GGA2: variants seen among roughly 807,000 people sequenced by gnomAD.
The protein encoded by GGA2 is golgi associated, gamma adaptin ear containing, ARF binding protein 2.
In GGA2, 48 loss-of-function variants were observed where a neutral mutation model predicts 79.5. The observed-to-expected ratio is 0.60, with a 90% CI of 0.48 to 0.77. The LOEUF (loss-of-function observed/expected upper bound fraction) is 0.77. Among genes scored for constraint, GGA2 ranks in the 30% least tolerant of loss-of-function variants. The pLI, the probability that GGA2 is intolerant of heterozygous loss-of-function variation, is 0.00. For synonymous variants in GGA2, 317 were observed against 302.0 expected (o/e 1.05, Z -0.51); for missense variants, 770 against 774.0 (o/e 0.99, Z 0.06).
chr16:23,465,563 T>A lies in GGA2; in HGVS notation c.*2027A>T, dbSNP rs1166100378. On this transcript the variant is annotated 3_prime_UTR_variant, in exon 17 of 17. Coordinates refer to ENST00000309859, the MANE Select transcript of GGA2 (RefSeq NM_015044.4). ...TTTATGTATAAGTCTCATTCACCCA[T>A]TTTGACCAAAACCCTTCAGAGGGAG... is the stretch of plus-strand genomic sequence containing the variant. The A allele has an allele frequency of 4.9e-6, 3 of 618,514 alleles. No individual in the cohort carries two copies. Among genetic ancestry groups the A allele is most frequent in the Non-Finnish European group, 5.8e-6 (2 of 344,588 alleles). 38.3% of individuals were successfully genotyped at this position (618,514 alleles called of 1,614,324 possible). A position where few individuals can be genotyped will look rare whatever the true frequency, so the allele number is the denominator to read the frequency against.
chr16:23,482,626 G>A (rs922420129), intron 9 of GGA2, among the ~76,000 whole-genome samples: 4 of 152,148 alleles, frequency 2.6e-5, no homozygotes, highest in Admixed American at 6.5e-5. Context: ...TGGCCCCTGC[G>A]ATTGGTCAGC....
At chr16:23,503,110 C>T (rs1480348833) in intron 1 of GGA2, among the ~76,000 whole-genome samples, 3 of 152,196 alleles carry the variant, frequency 2.0e-5, no homozygotes, top group Non-Finnish European at 4.4e-5. Context: ...GTTACCTTTC[C>T]TTTCCTTTTA....
At chr16:23,470,644 T>TGGTGGTACA (rs1163988257) in intron 14 of GGA2, among the ~76,000 whole-genome samples, 2 of 151,818 alleles carry the variant, frequency 1.3e-5, no homozygotes, top group African/African-American at 4.8e-5. Flanking sequence ...ACACCTGTAA[T>TGGTGGTACA]CCCAGCCATT....
intron 1 of GGA2, among the ~76,000 whole-genome samples, chr16:23,498,465 A>T (rs962878379): frequency 6.6e-6 from 1 of 152,076 alleles, no homozygotes; most frequent in African/African-American, 2.4e-5. Flanking sequence ...ACAGTGTCTC[A>T]TGCCTGTAAT....
intron 2 of GGA2, among the ~76,000 whole-genome samples, chr16:23,494,790 C>T (rs1964834138): frequency 6.6e-6 from 1 of 152,210 alleles, no homozygotes; most frequent in African/African-American, 2.4e-5. Context: ...ACAGATTAAA[C>T]ATCTGGATGG....
chr16:23,485,043 C>T (rs897297556), intron 8 of GGA2, among the ~76,000 whole-genome samples: 8 of 152,340 alleles, frequency 5.3e-5, no homozygotes, highest in Admixed American at 1.3e-4. Flanking sequence ...CAATGGAACG[C>T]TATCCAGCCA....
intron 16 of GGA2, 24 bp downstream of exon 16, chr16:23,468,862 G>A (rs1470480873): frequency 6.2e-6 from 9 of 1,452,764 alleles, no homozygotes; most frequent in Middle Eastern, 1.7e-4. Context: ...CCATCTCCCT[G>A]CTACCACAGA....
intron 16 of GGA2, among the ~76,000 whole-genome samples, 169 bp from the exon 17 acceptor site, chr16:23,467,869 A>AT (rs1474942755): frequency 6.6e-6 from 1 of 152,176 alleles, no homozygotes; most frequent in African/African-American, 2.4e-5. Context: ...GAACCCTTCG[A>AT]TAATTCTGCA....
rs1256214182 is a variant in GGA2, at chr16:23,480,382, A to G, written c.1006+263T>C. 7.4e-6 allele frequency: 3 copies of G among 404,986 alleles called. No individual in the cohort carries two copies. In the East Asian group the frequency reaches 1.2e-4, roughly 16 times the overall value. 25.1% of individuals were successfully genotyped at this position (404,986 alleles called of 1,614,324 possible). On this transcript the variant is annotated intron_variant, in intron 10 of 16. Transcript: ENST00000309859. The stretch of plus-strand genomic sequence containing the variant: ...CTTTTGTCTCTAGCTCCTGTATGCA[A>G]GCATTTATGAGAATTCAAACGCAGG...
chr16:23,467,520 A>G lies in GGA2; in HGVS notation c.*70T>C. On this transcript the variant is annotated 3_prime_UTR_variant, in exon 17 of 17. Coordinates refer to ENST00000309859, the MANE Select transcript of GGA2 (RefSeq NM_015044.4). Reference sequence around the variant, plus strand: ...TGGCACTCCGCACTGAAACACCGTGATTAGTCCTGACTAGACAGCAAAAGT... The same window carrying G: ...TGGCACTCCGCACTGAAACACCGTGGTTAGTCCTGACTAGACAGCAAAAGT... 1.3e-6 allele frequency: 1 copy of G among 790,160 alleles called. No individual in the cohort carries two copies. 48.9% of individuals were successfully genotyped at this position (790,160 alleles called of 1,614,324 possible).
rs1384561197 is a variant in GGA2, at chr16:23,467,840, A to T, written c.1732-140T>A. 6.2e-6 allele frequency: 4 copies of T among 646,484 alleles called. No homozygotes were observed. In the African/African-American group the frequency reaches 7.2e-5, roughly 12 times the overall value. The allele number at this position is 646,484 out of a possible 1,614,324, so 40.0% of individuals were successfully genotyped here. ...TCTCTTTGGGACTACAAACAAGGGG[A>T]AACAGGCACATATCCTGGGAACCCT... is the stretch of plus-strand genomic sequence containing the variant. On this transcript the variant is annotated intron_variant, in intron 16 of 16. Coordinates refer to ENST00000309859, the MANE Select transcript of GGA2 (RefSeq NM_015044.4).
intron 9 of GGA2, among the ~76,000 whole-genome samples, chr16:23,482,331 CAA>C (rs1226033026): frequency 3.3e-5 from 5 of 151,968 alleles, no homozygotes; most frequent in African/African-American, 1.2e-4. Flanking sequence ...TGGGTGTGTA[CAA>C]AGAGAGGTAC....
rs557785254 is a variant in GGA2, at chr16:23,477,155, T to C, written c.1292+1213A>G. Among the ~76,000 whole-genome samples, 12 of 152,174 alleles carry C rather than the reference T, an allele frequency of 7.9e-5. No individual in the cohort carries two copies. In the East Asian group the frequency reaches 1.9e-3, roughly 25 times the overall value. On this transcript the variant is annotated intron_variant, in intron 13 of 16. Coordinates refer to ENST00000309859, the MANE Select transcript of GGA2 (RefSeq NM_015044.4). ...TTTGTAGAGATGGGGTTTTGCCATA[T>C]CTCCCAGGCTGGTCTTGAACTCCAG...
Position 23,494,171 on chromosome 16 carries a change from C to T in GGA2, c.252+132G>A, listed in dbSNP as rs537740099. On this transcript the variant is annotated intron_variant, in intron 3 of 16. Coordinates refer to ENST00000309859, the MANE Select transcript of GGA2 (RefSeq NM_015044.4). ...CTGGCCCAGATCTCCCTCCTCCAAC[C>T]TGCTGTGAAGGTAAACCTCTCAGGG... 4 of 686,554 alleles carry T rather than the reference C, an allele frequency of 5.8e-6. No individual in the cohort carries two copies. The East Asian group carries it at 1.0e-4, about 17-fold the overall frequency. The allele number at this position is 686,554 out of a possible 1,614,324, so 42.5% of individuals were successfully genotyped here.
At chr16:23,497,385 G>A (rs1964869800) in intron 1 of GGA2, among the ~76,000 whole-genome samples, 3 of 152,030 alleles carry the variant, frequency 2.0e-5, no homozygotes, top group African/African-American at 7.2e-5. Context: ...CAACCCCACT[G>A]CTTCTCCCTC....
intron 5 of GGA2, among the ~76,000 whole-genome samples, chr16:23,489,981 A>T (rs1964762715): frequency 6.6e-6 from 1 of 152,208 alleles, no homozygotes; most frequent in Admixed American, 6.5e-5. Context: ...AGATCCTACC[A>T]AGACCCAGGA....
chr16:23,479,927 TG>T, intron 10 of GGA2, 40 bp from the exon 11 acceptor site: 1 of 1,608,672 alleles, frequency 6.2e-7, no homozygotes, highest in South Asian at 1.1e-5. Flanking sequence ...CAGTTGGACA[TG>T]AGAGCAAAGT....
chr16:23,475,115 G>A (rs1472803659), intron 13 of GGA2, 54 bp from the exon 14 acceptor site: 2 of 1,162,812 alleles, frequency 1.7e-6, no homozygotes, highest in Admixed American at 4.5e-5. Context: ...CGATTTCCTG[G>A]AATCTGGGTT....
chr16:23,486,188 C>A (rs1457328973), intron 7 of GGA2, 36 bp from the exon 8 acceptor site: 1 of 1,605,910 alleles, frequency 6.2e-7, no homozygotes, highest in South Asian at 1.1e-5. Flanking sequence ...AGTGAGGGAG[C>A]AGAAACCCTG....
Sources: gnomAD v4.1 joint callset for allele counts (sites outside exome capture counted in the v4.1 genomes callset) on GRCh38, gnomAD v4.1.1 for gene constraint, MANE v1.5 for transcripts, NCBI Gene and HGNC (gene_info 2026-07-23, HGNC 2026-07-21) for gene names.